DPP4: variants seen among roughly 807,000 people sequenced by gnomAD.
DPP4 encodes the protein ADCP-2.
Under a neutral mutation model 122.4 loss-of-function variants are expected in DPP4, and 93 were observed. The ratio of observed to expected loss-of-function variants is 0.76; its 90% CI spans 0.64 to 0.90. The LOEUF (loss-of-function observed/expected upper bound fraction) is 0.90. Among genes scored for constraint, DPP4 ranks in the 40% least tolerant of loss-of-function variants. DPP4 has a pLI of 0.00. For synonymous variants in DPP4, 321 were observed against 302.9 expected (o/e 1.06, Z -0.62); for missense variants, 914 against 907.3 (o/e 1.01, Z -0.09).
intron 2 of DPP4, among the ~76,000 whole-genome samples, chr2:162,052,578 C>T (rs1004790326): frequency 3.3e-5 from 5 of 152,024 alleles, no homozygotes; most frequent in African/African-American, 9.7e-5. Flanking sequence ...GACAAATGGA[C>T]CTAGAAAGAA....
chr2:162,038,350 C>T lies in DPP4; in HGVS notation c.565G>A (p.Gly189Arg). The T allele has an allele frequency of 6.2e-7, 1 of 1,607,750 alleles. No homozygotes were observed. ...NLPSYRITWT[G>R]KEDIIYNGIT... ...CCATTATATATTATATCTTCTTTCC[C>T]CGTCCATGTGATTCTGTAACTTGGT... The change falls in exon 8 of 26, where the codon GGG becomes AGG. Residue 189 changes from glycine to arginine, a missense_variant. Gly to Arg is a moderately radical substitution (Grantham distance 125). Coordinates refer to ENST00000360534, the MANE Select transcript of DPP4 (RefSeq NM_001935.4).
chr2:162,052,318 CAAAAA>C (rs35326408), intron 2 of DPP4, among the ~76,000 whole-genome samples: 3 of 64,768 alleles, frequency 4.6e-5, no homozygotes, highest in African/African-American at 1.3e-4. Context: ...AACTCCATCT[CAAAAA>C]AAAAAAAAAA....
At chr2:162,047,310 G>T in intron 3 of DPP4, 93 bp downstream of exon 3, 2 of 685,966 alleles carry the variant, frequency 2.9e-6, no homozygotes, top group Non-Finnish European at 2.3e-6. Context: ...TAAAAACAAG[G>T]ATTACCTCTT....
At chr2:162,004,183 C>T (rs1341782117) in intron 23 of DPP4, among the ~76,000 whole-genome samples, 1 of 152,152 alleles carries the variant, frequency 6.6e-6, no homozygotes, top group Non-Finnish European at 1.5e-5. Flanking sequence ...TAGTTGAGTA[C>T]ACAAGAAGGA....
chr2:162,019,118 A>G (rs976530120), intron 15 of DPP4, 105 bp downstream of exon 15: 13 of 1,048,030 alleles, frequency 1.2e-5, no homozygotes, highest in Non-Finnish European at 1.9e-5. Context: ...CTCAATAGCA[A>G]TACCAGTTTA....
At chr2:162,036,655 C>T (rs1052798886) in intron 8 of DPP4, among the ~76,000 whole-genome samples, 3 of 152,142 alleles carry the variant, frequency 2.0e-5, no homozygotes, top group Non-Finnish European at 4.4e-5. Flanking sequence ...GTTAAGCAGC[C>T]TATTCTTCCT....
At chr2:162,013,641 G>T (rs901468406) in intron 19 of DPP4, among the ~76,000 whole-genome samples, 1 of 151,964 alleles carries the variant, frequency 6.6e-6, no homozygotes, top group Admixed American at 6.6e-5. Flanking sequence ...AATAAAATAA[G>T]GCAAATGATG....
intron 23 of DPP4, among the ~76,000 whole-genome samples, chr2:161,999,027 G>A (rs1034398613): frequency 6.6e-6 from 1 of 152,166 alleles, no homozygotes; most frequent in Non-Finnish European, 1.5e-5. Flanking sequence ...AGCCTCCAGA[G>A]GGACCTCTCT....
chr2:162,056,436 T>G (rs796879253), intron 2 of DPP4, among the ~76,000 whole-genome samples: 3 of 152,102 alleles, frequency 2.0e-5, no homozygotes, highest in African/African-American at 7.2e-5. Context: ...GTGGCTGTAG[T>G]GTAGGAAGAG....
chr2:162,052,216 G>T (rs1422107362), intron 2 of DPP4, among the ~76,000 whole-genome samples: 3 of 151,800 alleles, frequency 2.0e-5, no homozygotes, highest in Admixed American at 6.6e-5. Flanking sequence ...TACTCAGGAG[G>T]CTGAGGCAGG....
intron 2 of DPP4, among the ~76,000 whole-genome samples, chr2:162,054,183 G>C (rs1052491241): frequency 6.6e-6 from 1 of 152,114 alleles, no homozygotes; most frequent in Non-Finnish European, 1.5e-5. Flanking sequence ...CTTATTAACC[G>C]TTTCTTGCTA....
intron 10 of DPP4, among the ~76,000 whole-genome samples, chr2:162,029,723 C>T (rs139799564): frequency 6.6e-6 from 1 of 152,288 alleles, no homozygotes; most frequent in Non-Finnish European, 1.5e-5. Flanking sequence ...ATGTCATGAG[C>T]TGGGTGTGAT....
intron 23 of DPP4, among the ~76,000 whole-genome samples, chr2:162,003,041 C>T (rs1701190364): frequency 6.6e-6 from 1 of 152,278 alleles, no homozygotes; most frequent in East Asian, 1.9e-4. Context: ...ACATTGGGAA[C>T]CTTTAGCTCC....
At position 162,067,403 on chromosome 2, in the gene DPP4, CTCAGTTATACA is replaced by C. The variant is rs1446962363; in HGVS notation, c.94+5985_94+5995del. Reference sequence around the variant, plus strand: ...TACTCACCTCTCCTACTCCCTCTACCTCAGTTATACATCCTGAGCCACCATGGCTCCTAGAG... The same window carrying C: ...TACTCACCTCTCCTACTCCCTCTACCTCCTGAGCCACCATGGCTCCTAGAG... On this transcript the variant is annotated intron_variant, in intron 2 of 25. Transcript: ENST00000360534. Among the ~76,000 whole-genome samples the C allele has an allele frequency of 8.5e-5, 13 of 152,252 alleles. No individual in the cohort carries two copies. In the South Asian group the frequency reaches 2.3e-3, roughly 27 times the overall value.
At chr2:162,006,333 T>G (rs1234588580) in intron 22 of DPP4, among the ~76,000 whole-genome samples, 1 of 152,198 alleles carries the variant, frequency 6.6e-6, no homozygotes, top group East Asian at 1.9e-4. Flanking sequence ...TGGAGACCCC[T>G]AACAATGTTC....
intron 5 of DPP4, among the ~76,000 whole-genome samples, chr2:162,041,199 T>C (rs1205799907): frequency 1.3e-5 from 2 of 152,144 alleles, no homozygotes; most frequent in East Asian, 3.8e-4. Flanking sequence ...TTTGCATTTA[T>C]GAAATATTAT....
chr2:162,001,257 G>A (rs1366917553), intron 23 of DPP4, among the ~76,000 whole-genome samples: 1 of 152,154 alleles, frequency 6.6e-6, no homozygotes, highest in Non-Finnish European at 1.5e-5. Flanking sequence ...TTAGAATGAT[G>A]ACTTGCCATA....
intron 23 of DPP4, among the ~76,000 whole-genome samples, chr2:161,997,196 G>A (rs1701028390): frequency 6.6e-6 from 1 of 152,120 alleles, no homozygotes; most frequent in Non-Finnish European, 1.5e-5. Context: ...CACCCAAATT[G>A]AAAATTTTAC....
At position 162,035,381 on chromosome 2, in the gene DPP4, C is replaced by T. The variant is rs1295472113; in HGVS notation, c.614-57G>A. 7 of 1,532,028 alleles carry T rather than the reference C, an allele frequency of 4.6e-6. No homozygotes were observed. The Admixed American group carries it at 7.2e-5, about 16-fold the overall frequency. The allele number at this position is 1,532,028 out of a possible 1,614,324, so 94.9% of individuals were successfully genotyped here. On this transcript the variant is annotated intron_variant, in intron 8 of 25. Transcript: ENST00000360534. ...GAAGTAGCTGATAAATTGGCTTTGG[C>T]ATTCAAAATATTGTTCTCATTAGCT... is the stretch of plus-strand genomic sequence containing the variant.
Sources: gnomAD v4.1 joint callset for allele counts (sites outside exome capture counted in the v4.1 genomes callset) on GRCh38, gnomAD v4.1.1 for gene constraint, MANE v1.5 for transcripts, NCBI Gene and HGNC (gene_info 2026-07-23, HGNC 2026-07-21) for gene names.